The following SMPDL3A variants were observed in gnomAD, a reference collection of about 807,000 sequenced individuals.
SMPDL3A encodes sphingomyelin phosphodiesterase acid like 3A.
A neutral mutation model predicts 38.5 loss-of-function variants in SMPDL3A; 39 were observed. The observed-to-expected ratio is 1.01, with a 90% CI of 0.78 to 1.32. The LOEUF is 1.32. SMPDL3A is among the 40% of genes most tolerant of loss of function. The pLI, the probability that SMPDL3A is intolerant of heterozygous loss-of-function variation, is 0.00. For missense variants in SMPDL3A, 502 were observed against 536.2 expected, an observed-to-expected ratio of 0.94 and a Z score of 0.63; for synonymous variants, 180 against 194.3, an observed-to-expected ratio of 0.93 and a Z score of 0.61.
chr6:122,799,577 C>T (rs953416526), intron 3 of SMPDL3A, among the ~76,000 whole-genome samples: 3 of 152,178 alleles, frequency 2.0e-5, no homozygotes, highest in African/African-American at 4.8e-5. Context: ...ATGATGATAA[C>T]GATGCGTACC....
At chr6:122,801,463 G>A (rs1781428347) in intron 4 of SMPDL3A, 57 bp downstream of exon 4, 1 of 1,258,142 alleles carries the variant, frequency 7.9e-7, no homozygotes, top group Admixed American at 1.7e-5. Flanking sequence ...ATGTTATTTA[G>A]ACTTAAATTT....
At chr6:122,808,621 TCCTTCCTTCCTTCCTTCCTTC>T (rs1781731647) in intron 7 of SMPDL3A, among the ~76,000 whole-genome samples, 1 of 99,466 alleles carries the variant, frequency 1.0e-5, no homozygotes, top group Non-Finnish European at 2.0e-5. Context: ...CTTCCTTCCT[TCCTTCCTTCCTTCCTTCCTTC>T]CCCCCCTCCT....
chr6:122,794,379 C>T (rs989786417), intron 1 of SMPDL3A, among the ~76,000 whole-genome samples: 2 of 152,058 alleles, frequency 1.3e-5, no homozygotes, highest in Non-Finnish European at 2.9e-5. Context: ...GGGCACATCA[C>T]GAGGTCAGGA....
At chr6:122,794,915 CACTG>C (rs1420488118) in intron 1 of SMPDL3A, among the ~76,000 whole-genome samples, 1 of 152,176 alleles carries the variant, frequency 6.6e-6, no homozygotes, top group Non-Finnish European at 1.5e-5. Flanking sequence ...TCTACCTACT[CACTG>C]TGTAACCCTA....
intron 1 of SMPDL3A, among the ~76,000 whole-genome samples, chr6:122,790,157 C>A (rs963172080): frequency 2.0e-5 from 3 of 152,182 alleles, no homozygotes; most frequent in African/African-American, 7.2e-5. Flanking sequence ...TAAGTGTGCC[C>A]TGGACCGGTG....
chr6:122,799,619 C>G (rs925097911), intron 3 of SMPDL3A, among the ~76,000 whole-genome samples: 1 of 152,160 alleles, frequency 6.6e-6, no homozygotes, highest in Non-Finnish European at 1.5e-5. Context: ...TTGGCCTAAG[C>G]TGTTGTGTAA....
At chr6:122,797,515 T>G (rs566464460) in intron 3 of SMPDL3A, among the ~76,000 whole-genome samples, 31 of 152,198 alleles carry the variant, frequency 2.0e-4, no homozygotes, top group Non-Finnish European at 3.4e-4. Context: ...GTTCAGAGCA[T>G]TTAATGCCTG....
At chr6:122,808,507 C>G (rs1393623945) in intron 7 of SMPDL3A, among the ~76,000 whole-genome samples, 3 of 152,024 alleles carry the variant, frequency 2.0e-5, no homozygotes, top group Non-Finnish European at 4.4e-5. Context: ...GTTCACCTCT[C>G]TTTATAGTTT....
At chr6:122,798,177 T>A (rs1195638744) in intron 3 of SMPDL3A, among the ~76,000 whole-genome samples, 1 of 152,214 alleles carries the variant, frequency 6.6e-6, no homozygotes, top group East Asian at 1.9e-4. Flanking sequence ...TATTCTAGAA[T>A]AAGCTTAAGT....
At chr6:122,801,709 T>G (rs1781434004) in intron 4 of SMPDL3A, among the ~76,000 whole-genome samples, 1 of 152,240 alleles carries the variant, frequency 6.6e-6, no homozygotes, top group African/African-American at 2.4e-5. Context: ...TGTTTCTAAT[T>G]GGAAAATTGA....
Position 122,796,912 on chromosome 6 carries a change from C to A in SMPDL3A, c.415C>A (p.Leu139Ile). The change falls in exon 3 of 8, where the codon CTC becomes ATC. Residue 139 changes from leucine (L) to isoleucine (I), a missense_variant. Coordinates refer to ENST00000368440, the MANE Select transcript of SMPDL3A (RefSeq NM_006714.5). ...ITNMTTTIQS[L>I]FPNLQVFPAL... is the part of the protein sequence containing the mutation. ...TAATATGACAACCACCATCCAGAGT[C>A]TCTTTCCAAATCTCCAGGTTTTCCC... 1 of 1,613,458 alleles carries A rather than the reference C, an allele frequency of 6.2e-7. No individual in the cohort carries two copies. The highest frequency in any genetic ancestry group is 8.5e-7 in the Non-Finnish European group (1 of 1,179,474).
Position 122,789,298 on chromosome 6 carries a change from G to GTGGAGCTGCGGGACGGTCCGAA in SMPDL3A, c.-35_-34insGGTCCGAATGGAGCTGCGGGAC, listed in dbSNP as rs1562344629. ...CTCACCCTCAGGCCTGACGGTCCGA[G>GTGGAGCTGCGGGACGGTCCGAA]TGGAGCTGCGGGACAGCCCGAACCT... On this transcript the variant is annotated 5_prime_UTR_variant, in exon 1 of 8. In the 5' UTR this introduces an upstream ATG that the reference lacks. Coordinates refer to ENST00000368440, the MANE Select transcript of SMPDL3A (RefSeq NM_006714.5). 1 of 1,355,144 alleles carries GTGGAGCTGCGGGACGGTCCGAA rather than the reference G, an allele frequency of 7.4e-7. No individual in the cohort carries two copies. Among genetic ancestry groups the GTGGAGCTGCGGGACGGTCCGAA allele is most frequent in the African/African-American group, 1.5e-5 (1 of 68,112 alleles). 83.9% of individuals were successfully genotyped at this position (1,355,144 alleles called of 1,614,324 possible). A position where few individuals can be genotyped will look rare whatever the true frequency, so the allele number is the denominator to read the frequency against.
chr6:122,789,508 G>C, intron 1 of SMPDL3A, 50 bp downstream of exon 1: 1 of 1,453,624 alleles, frequency 6.9e-7, no homozygotes. Context: ...AGCGCGGAGC[G>C]GCGGCGCCTG....
chr6:122,809,485 T>C lies in SMPDL3A; in HGVS notation c.*77T>C. 1.8e-6 allele frequency: 2 copies of C among 1,103,172 alleles called. No individual in the cohort carries two copies. Among genetic ancestry groups the C allele is most frequent in the Non-Finnish European group, 2.6e-6 (2 of 766,460 alleles). 68.3% of individuals were successfully genotyped at this position (1,103,172 alleles called of 1,614,324 possible). A position where few individuals can be genotyped will look rare whatever the true frequency, so the allele number is the denominator to read the frequency against. On this transcript the variant is annotated 3_prime_UTR_variant, in exon 8 of 8. Transcript: ENST00000368440. Reference sequence around the variant, plus strand: ...TTTGTGGGAATTTTACATAAATCTTTGTTAATTACTGAGTGGGCAAGTAGA... The same window carrying C: ...TTTGTGGGAATTTTACATAAATCTTCGTTAATTACTGAGTGGGCAAGTAGA...
At chr6:122,807,856 A>T (rs1781684466) in intron 7 of SMPDL3A, among the ~76,000 whole-genome samples, 1 of 152,170 alleles carries the variant, frequency 6.6e-6, no homozygotes. Context: ...AAATTAGTCC[A>T]AAAGAATTTT....
intron 2 of SMPDL3A, 68 bp downstream of exon 2, chr6:122,795,958 T>G: frequency 8.8e-7 from 1 of 1,132,100 alleles, no homozygotes; most frequent in African/African-American, 1.6e-5. Context: ...TTCATAAGAG[T>G]GCTGAATTCC....
chr6:122,799,493 TC>T (rs1016433589), intron 3 of SMPDL3A, among the ~76,000 whole-genome samples: 5 of 152,268 alleles, frequency 3.3e-5, no homozygotes, highest in South Asian at 2.1e-4. Flanking sequence ...ATTCTAAGCT[TC>T]TCCATCACCA....
intron 4 of SMPDL3A, among the ~76,000 whole-genome samples, chr6:122,802,543 G>A (rs1781461699): frequency 2.0e-5 from 3 of 152,102 alleles, no homozygotes; most frequent in Non-Finnish European, 4.4e-5. Context: ...GACACGTGGA[G>A]AGCTTATGCA....
intron 6 of SMPDL3A, 52 bp downstream of exon 6, chr6:122,805,141 C>T (rs376880291): frequency 2.0e-4 from 274 of 1,390,170 alleles, no homozygotes; most frequent in Non-Finnish European, 2.3e-4. Flanking sequence ...TAGAGCAAAG[C>T]GGTGAATATC....
Sources: gnomAD v4.1 joint callset for allele counts (sites outside exome capture counted in the v4.1 genomes callset) on GRCh38, gnomAD v4.1.1 for gene constraint, MANE v1.5 for transcripts, NCBI Gene and HGNC (gene_info 2026-07-23, HGNC 2026-07-21) for gene names.